Variants in ACIN1 observed in about 807,000 individuals in gnomAD.
ACIN1 encodes the protein apoptotic chromatin condensation inducer 1.
ACIN1 carries 16 observed loss-of-function variants against 146.6 expected under a neutral mutation model. The ratio of observed to expected loss-of-function variants is 0.11; its 90% CI spans 0.07 to 0.17. The LOEUF (loss-of-function observed/expected upper bound fraction) is 0.17. Among genes scored for constraint, ACIN1 ranks in the 10% least tolerant of loss-of-function variants. ACIN1 has a pLI of 1.00. For missense variants in ACIN1, 1,357 were observed against 1,609.3 expected (o/e 0.84, Z 2.68); for synonymous variants, 569 against 582.7 (o/e 0.98, Z 0.34).
rs1392157265 is a variant in ACIN1 at position 23,061,382 on chromosome 14, C to G, written c.3340G>C (p.Glu1114Gln). The G allele has an allele frequency of 1.1e-5, 18 of 1,614,136 alleles. No individual in the cohort carries two copies. Among genetic ancestry groups the G allele is most frequent in the Non-Finnish European group, 1.4e-5 (17 of 1,180,032 alleles). Reference protein sequence around the residue: ...EREWDRDKVREGPRSRSRSRD... With the variant: ...EREWDRDKVRQGPRSRSRSRD... ...GACCTTGATCGGGAACGGGGCCCTTCTCGAACTTTGTCCCGATCCCATTCA... is the reference window on the plus strand; with the variant it reads ...GACCTTGATCGGGAACGGGGCCCTTGTCGAACTTTGTCCCGATCCCATTCA... The change falls in exon 17 of 19, where the codon GAA becomes CAA. Residue 1114 changes from glutamate (E) to glutamine (Q), a missense_variant. By Grantham distance (29) the Glu-to-Gln change is conservative. Around this residue, in one of 4 missense-constraint regions of ACIN1, gnomAD observed 509 missense variants for 719.6 expected, o/e 0.71. Transcript: ENST00000605057.
Position 23,081,765 on chromosome 14 carries a change from A to T in ACIN1, c.508T>A (p.Ser170Thr). 1.2e-6 allele frequency: 2 copies of T among 1,613,100 alleles called. No individual in the cohort carries two copies. The highest frequency in any genetic ancestry group is 8.5e-7 in the Non-Finnish European group (1 of 1,179,878). The change falls in exon 5 of 19, where the codon TCA (serine) becomes ACA (threonine). Residue 170 changes from serine (S) to threonine (T), a missense_variant. Coordinates refer to ENST00000605057, the MANE Select transcript of ACIN1 (RefSeq NM_001386863.1). ...TGAGTTACCTGTCTGACCCTAGATG[A>T]TCGTCTTTCTCCTTTCCTTGGTTTC... ...DEKPRKGERRSSRVRQARAAK... is the reference protein window; with the variant it reads ...DEKPRKGERRTSRVRQARAAK...
At chr14:23,095,284 C>T (rs1441091689), upstream of ACIN1, 5 of 1,594,178 alleles carry the variant, frequency 3.1e-6, no homozygotes, top group East Asian at 2.3e-5. Flanking sequence ...TCCGTCTCCA[C>T]ATCGTTACCA....
upstream of ACIN1, chr14:23,095,479 T>A: frequency 1.3e-6 from 1 of 792,932 alleles, no homozygotes; most frequent in Non-Finnish European, 1.9e-6. Flanking sequence ...CTTGGGTGTT[T>A]GGGGCGGGTC....
At chr14:23,064,802 C>CAGG (rs138938826) in intron 10 of ACIN1, 88,505 of 214,474 alleles carry the variant, frequency 0.41, 20,155 homozygotes, top group African/African-American at 0.61. Flanking sequence ...GGTGCTGAAG[C>CAGG]AGAATTGCTT....
rs755377952 is a variant in ACIN1, at chr14:23,059,101, C to G, written c.*47G>C. 1 of 1,585,516 alleles carries G rather than the reference C, an allele frequency of 6.3e-7. No homozygotes were observed. Among genetic ancestry groups the G allele is most frequent in the African/African-American group, 1.3e-5 (1 of 74,412 alleles). On this transcript the variant is annotated 3_prime_UTR_variant, in exon 19 of 19. Coordinates refer to ENST00000605057, the MANE Select transcript of ACIN1 (RefSeq NM_001386863.1). ...GTGCCTATCCCTCTGTGGCCATAAC[C>G]CCCTGGGGCCGAGTGGCTGGTACCT...
At chr14:23,088,502 T>TA (rs2048143163) in intron 4 of ACIN1, among the ~76,000 whole-genome samples, 1 of 152,308 alleles carries the variant, frequency 6.6e-6, no homozygotes, top group African/African-American at 2.4e-5. Context: ...AAATGTCTCC[T>TA]AAAAAATCTA....
At chr14:23,081,058 T>C (rs867732774) in intron 5 of ACIN1, among the ~76,000 whole-genome samples, 118 of 134,796 alleles carry the variant, frequency 8.8e-4, no homozygotes, top group East Asian at 2.3e-3. Context: ...AAGCACCCCC[T>C]TTTTTTTTTT....
At chr14:23,069,190 T>C (rs1000936687) in intron 9 of ACIN1, 7 of 1,118,892 alleles carry the variant, frequency 6.3e-6, no homozygotes, top group Non-Finnish European at 7.6e-6. Context: ...TGAACATAAA[T>C]CTTAGATAAA....
At chr14:23,073,650 C>A (rs1241641367) in intron 8 of ACIN1, among the ~76,000 whole-genome samples, 3 of 152,056 alleles carry the variant, frequency 2.0e-5, no homozygotes, top group Non-Finnish European at 4.4e-5. Context: ...AAGAGCAAAA[C>A]TCCATCTCAA....
chr14:23,059,646 T>G lies in ACIN1; in HGVS notation c.3526-172A>C, dbSNP rs562883535. On this transcript the variant is annotated intron_variant, in intron 18 of 18. Coordinates refer to ENST00000605057, the MANE Select transcript of ACIN1 (RefSeq NM_001386863.1). ...CTTAGAGCACCTCTCTCCCTCCTAG[T>G]TTCAGCCTTTTTTTTTTTTTTTCTG... Among the ~76,000 whole-genome samples, 10 of 139,216 alleles carry G rather than the reference T, an allele frequency of 7.2e-5. No individual in the cohort carries two copies. In the South Asian group the frequency reaches 1.8e-3, roughly 25 times the overall value. 91.3% of individuals were successfully genotyped at this position (139,216 alleles called of 152,430 possible).
upstream of ACIN1, chr14:23,095,459 C>A: frequency 4.3e-6 from 4 of 932,210 alleles, no homozygotes; most frequent in Non-Finnish European, 6.2e-6. Flanking sequence ...AGAGATGAGG[C>A]GCTGGGGCGC....
At chr14:23,090,499 T>C (rs754274762) in intron 3 of ACIN1, 23 bp downstream of exon 3, 2 of 1,607,638 alleles carry the variant, frequency 1.2e-6, no homozygotes, top group East Asian at 2.2e-5. Context: ...AACTCCTTGT[T>C]AAAAGTGACA....
chr14:23,069,141 T>TG (rs1254035016), intron 9 of ACIN1: 2 of 1,027,588 alleles, frequency 1.9e-6, no homozygotes, highest in African/African-American at 3.4e-5. Context: ...GCTAAAGGAG[T>TG]TACCACCAGG....
intron 8 of ACIN1, 22 bp from the exon 9 acceptor site, chr14:23,069,639 G>A (rs2140064478): frequency 2.1e-6 from 3 of 1,450,896 alleles, no homozygotes; most frequent in Middle Eastern, 1.8e-4. Flanking sequence ...GGGGAGTGGT[G>A]GTGGGGGGGC....
Position 23,059,165 on chromosome 14 carries a change from G to T in ACIN1, c.3835C>A (p.Arg1279=). ...TTTCCCAGCTAGCGGCGCCCACCCC[G>T]GTCCCGCACAGGTGTGCTCCGACTC... ...SRSRSTPVRD[R]GGRR The change falls in exon 19 of 19, where the codon CGG becomes AGG. Residue 1279 remains arginine (R), a synonymous_variant. Transcript: ENST00000605057. The T allele has an allele frequency of 1.2e-6, 2 of 1,613,716 alleles. No individual in the cohort carries two copies. Among genetic ancestry groups the T allele is most frequent in the Non-Finnish European group, 1.7e-6 (2 of 1,179,846 alleles).
chr14:23,088,999 A>G (rs868762441), intron 4 of ACIN1, among the ~76,000 whole-genome samples: 1 of 152,214 alleles, frequency 6.6e-6, no homozygotes, highest in Admixed American at 6.5e-5. Flanking sequence ...CTATATTTAT[A>G]GACTTTTGCT....
Position 23,080,649 on chromosome 14 carries a change from T to C in ACIN1, c.686A>G (p.Glu229Gly). The C allele has an allele frequency of 1.2e-6, 2 of 1,613,522 alleles. No homozygotes were observed. Among genetic ancestry groups the C allele is most frequent in the South Asian group, 1.1e-5 (1 of 91,066 alleles). Residue 229 changes from glutamate to glycine, a missense_variant, in exon 6 of 19, where the codon GAA becomes GGA. Coordinates refer to ENST00000605057, the MANE Select transcript of ACIN1 (RefSeq NM_001386863.1). ...AGATTTTTGTCCCTCATCATCACCT[T>C]CCTCTTCTTCATCATCTTCTTCCTC... Reference protein sequence around the residue: ...EEEEEDDEEEEGDDEGQKSRE... With the variant: ...EEEEEDDEEEGGDDEGQKSRE...
chr14:23,082,534 C>T (rs1024312269), intron 4 of ACIN1, among the ~76,000 whole-genome samples: 1 of 151,226 alleles, frequency 6.6e-6, no homozygotes, highest in African/African-American at 2.4e-5. Context: ...GACCTCTGCC[C>T]CCTGGCTTCA....
Position 23,069,119 on chromosome 14 carries a change from A to G in ACIN1, c.2265+357T>C, listed in dbSNP as rs1057208729. 3 of 1,005,134 alleles carry G rather than the reference A, an allele frequency of 3.0e-6. No individual in the cohort carries two copies. In the African/African-American group the frequency reaches 5.2e-5, roughly 17 times the overall value. The allele number at this position is 1,005,134 out of a possible 1,614,324, so 62.3% of individuals were successfully genotyped here. On this transcript the variant is annotated intron_variant, in intron 9 of 18. Transcript: ENST00000605057. ...GCGTTGGGCTCCATCAGGCTTTTAA[A>G]AAGGAGGGAAAGCTAAAGGAGTTAC... is the stretch of plus-strand genomic sequence containing the variant.
Sources: gnomAD v4.1 joint callset for allele counts (sites outside exome capture counted in the v4.1 genomes callset) on GRCh38, gnomAD v4.1.1 for gene constraint, gnomAD v4.1.1 regional missense constraint, MANE v1.5 for transcripts, NCBI Gene and HGNC (gene_info 2026-07-23, HGNC 2026-07-21) for gene names.